GARIN3: variants seen among roughly 807,000 people sequenced by gnomAD.
The protein encoded by GARIN3 is Golgi-associated RAB2 interactor protein 3.
chr5:157,163,141 G>A, the GARIN3 span: 48 of 1,613,994 alleles, frequency 3.0e-5, 1 homozygote, highest in Middle Eastern at 6.6e-4. Context: ...GCCTGCAAAC[G>A]CCGCACTCAA....
At chr5:157,161,891 ATT>A in the GARIN3 span, 7 of 152,994 alleles carry the variant, frequency 4.6e-5, no homozygotes, top group African/African-American at 1.4e-4. Flanking sequence ...AGCTGGTAAG[ATT>A]TGGACCTCAG....
chr5:157,163,809 A>C, the GARIN3 span: 1 of 1,028,024 alleles, frequency 9.7e-7, no homozygotes, highest in Non-Finnish European at 1.4e-6. Flanking sequence ...TAATCCCAAC[A>C]CTTTGGGAGG....
At chr5:157,164,171 A>G in the GARIN3 span, among the ~76,000 whole-genome samples, 1 of 137,418 alleles carries the variant, frequency 7.3e-6, no homozygotes. Context: ...TTTTTTTGAG[A>G]CAGAGTCTTG....
At chr5:157,163,071 G>A in the GARIN3 span, 3 of 1,614,250 alleles carry the variant, frequency 1.9e-6, no homozygotes, top group East Asian at 6.7e-5. Flanking sequence ...AGGTGGAGAT[G>A]AGGGGTCCCA....
At chr5:157,162,813 C>T in the GARIN3 span, 2 of 1,614,160 alleles carry the variant, frequency 1.2e-6, no homozygotes, top group Non-Finnish European at 1.7e-6. Context: ...CGTTGCTGTA[C>T]CCTTTTTCTT....
chr5:157,162,870 A>G, the GARIN3 span: 3 of 1,614,154 alleles, frequency 1.9e-6, no homozygotes, highest in Non-Finnish European at 2.5e-6. Context: ...ACCGGTGGGA[A>G]GACGCTTTCT....
the GARIN3 span, chr5:157,165,615 G>A: frequency 2.5e-6 from 4 of 1,614,156 alleles, no homozygotes; most frequent in African/African-American, 2.7e-5. Flanking sequence ...AAGTGTTGGG[G>A]TACTGCAGTA....
chr5:157,164,932 T>A, the GARIN3 span, among the ~76,000 whole-genome samples: 3 of 151,898 alleles, frequency 2.0e-5, no homozygotes, highest in Non-Finnish European at 4.4e-5. Context: ...GGCAGGAGAA[T>A]CTCTTGAACC....
chr5:157,163,789 C>T, the GARIN3 span: 1 of 1,222,376 alleles, frequency 8.2e-7, no homozygotes, highest in African/African-American at 1.5e-5. Context: ...GGTGTGGTGG[C>T]TCACGCCTGT....
At chr5:157,166,075 A>G in the GARIN3 span, 16 of 1,614,064 alleles carry the variant, frequency 9.9e-6, no homozygotes, top group African/African-American at 1.3e-5. Flanking sequence ...CTGTTGTACA[A>G]TTGTCGTTGC....
At chr5:157,162,770 T>G in the GARIN3 span, 1 of 1,614,194 alleles carries the variant, frequency 6.2e-7, no homozygotes, top group African/African-American at 1.3e-5. Flanking sequence ...TGGGTGGAGC[T>G]CTTGCGAGAG....
At chr5:157,166,121 A>G in the GARIN3 span, 3 of 1,614,096 alleles carry the variant, frequency 1.9e-6, no homozygotes, top group Admixed American at 3.3e-5. Flanking sequence ...CACTCATTGA[A>G]GAGTAGCTGT....
the GARIN3 span, among the ~76,000 whole-genome samples, chr5:157,165,082 G>A: frequency 1.3e-5 from 2 of 152,252 alleles, no homozygotes; most frequent in East Asian, 1.9e-4. Flanking sequence ...CAGAAGGGTT[G>A]GAGGGGGTGA....
At chr5:157,163,649 G>C in the GARIN3 span, 3 of 1,613,186 alleles carry the variant, frequency 1.9e-6, no homozygotes, top group East Asian at 2.2e-5. Context: ...TCTCTGTGGA[G>C]CTCTGCAGCC....
chr5:157,163,958 G>A, the GARIN3 span, among the ~76,000 whole-genome samples: 1 of 152,066 alleles, frequency 6.6e-6, no homozygotes, highest in South Asian at 2.1e-4. Context: ...TCAGTAGGCT[G>A]AGGTAGGAGT....
At chr5:157,163,227 CA>C in the GARIN3 span, 1 of 1,614,006 alleles carries the variant, frequency 6.2e-7, no homozygotes, top group African/African-American at 1.3e-5. Flanking sequence ...TTGCAGCACC[CA>C]CCAAGGCCAA....
At chr5:157,163,693 G>A in the GARIN3 span, 7 of 1,587,078 alleles carry the variant, frequency 4.4e-6, no homozygotes, top group Non-Finnish European at 6.0e-6. Context: ...ATGAGATTGA[G>A]ATGACTGAAA....
At chr5:157,162,187 CG>C in the GARIN3 span, 1 of 532,506 alleles carries the variant, frequency 1.9e-6, no homozygotes, top group East Asian at 3.3e-5. Flanking sequence ...TGAACACTCA[CG>C]TTGGCTCTGC....
chr5:157,166,032 A>G, the GARIN3 span: 1 of 1,614,118 alleles, frequency 6.2e-7, no homozygotes, highest in Non-Finnish European at 8.5e-7. Context: ...ACTCTCGAAC[A>G]TTGGTGCATA....
Sources: gnomAD v4.1 joint callset for allele counts (sites outside exome capture counted in the v4.1 genomes callset) on GRCh38, gnomAD v4.1.1 for gene constraint, MANE v1.5 for transcripts, NCBI Gene and HGNC (gene_info 2026-07-23, HGNC 2026-07-21) for gene names.